Variants in ZMYM1 observed in about 807,000 individuals in gnomAD.
The protein encoded by ZMYM1 is zinc finger MYM-type protein 1.
Under a neutral mutation model 60.0 loss-of-function variants are expected in ZMYM1, and 39 were observed. The ratio of observed to expected loss-of-function variants is 0.65; its 90% CI spans 0.50 to 0.85. ZMYM1 has a LOEUF of 0.85. Among genes scored for constraint, ZMYM1 ranks in the 40% least tolerant of loss-of-function variants. The probability of loss-of-function intolerance (pLI) is 0.00; values close to 1 mark genes in which losing one functional copy is unlikely to be tolerated. For synonymous variants in ZMYM1, 413 were observed against 454.0 expected, an observed-to-expected ratio of 0.91 and a Z score of 1.15; for missense variants, 1,171 against 1,309.5, an observed-to-expected ratio of 0.89 and a Z score of 1.63.
intron 1 of ZMYM1, among the ~76,000 whole-genome samples, chr1:35,086,481 T>C (rs905296801): frequency 6.6e-6 from 1 of 151,964 alleles, no homozygotes; most frequent in Non-Finnish European, 1.5e-5. Context: ...AAAATGACTG[T>C]TTGTTGCTAA....
chr1:35,115,954 C>G (rs1005060287), downstream of ZMYM1: 1 of 152,156 alleles, frequency 6.6e-6, no homozygotes, highest in Non-Finnish European at 1.5e-5. Context: ...GGGGACTGGG[C>G]GTGGTGGTTC....
intron 1 of ZMYM1, among the ~76,000 whole-genome samples, chr1:35,092,065 A>G (rs981827513): frequency 3.3e-5 from 5 of 152,078 alleles, no homozygotes; most frequent in African/African-American, 1.2e-4. Context: ...AGCTGGGATT[A>G]CAGGCACCTG....
At chr1:35,106,481 C>T (rs998611870) in intron 6 of ZMYM1, among the ~76,000 whole-genome samples, 10 of 151,914 alleles carry the variant, frequency 6.6e-5, no homozygotes, top group Non-Finnish European at 1.2e-4. Context: ...TGGTGGCAGG[C>T]GCCTATAATC....
Position 35,113,074 on chromosome 1 carries a change from A to G in ZMYM1, c.1244A>G (p.His415Arg). 1.2e-6 allele frequency: 2 copies of G among 1,614,128 alleles called. No homozygotes were observed. Among genetic ancestry groups the G allele is most frequent in the Non-Finnish European group, 1.7e-6 (2 of 1,179,996 alleles). ...CCATCTTCATCAGTATTCAGTCAGC[A>G]TGCAATTGGTTCCAGTACAGAAGTA... Reference protein sequence around the residue: ...VSPSSSVFSQHAIGSSTEVQK... With the variant: ...VSPSSSVFSQRAIGSSTEVQK... The change falls in exon 10 of 10, where the codon CAT (histidine) becomes CGT (arginine). Residue 415 changes from histidine to arginine, a missense_variant. Physicochemically the swap from His to Arg is conservative, Grantham distance 29 (BLOSUM62 0). Transcript: ENST00000359858.
At chr1:35,067,093 C>T (rs1641984963) in intron 1 of ZMYM1, among the ~76,000 whole-genome samples, 1 of 151,896 alleles carries the variant, frequency 6.6e-6, no homozygotes, top group African/African-American at 2.4e-5. Context: ...ATTCTCTTGC[C>T]TCAGCCTCCT....
intron 1 of ZMYM1, among the ~76,000 whole-genome samples, chr1:35,062,597 T>C (rs1346593261): frequency 6.6e-6 from 1 of 152,252 alleles, no homozygotes; most frequent in Non-Finnish European, 1.5e-5. Flanking sequence ...AATCTGCCAC[T>C]TAACCAGTTG....
intron 3 of ZMYM1, 122 bp downstream of exon 3, chr1:35,096,013 C>G: frequency 2.7e-6 from 2 of 753,040 alleles, no homozygotes; most frequent in South Asian, 3.6e-5. Context: ...GAGAAGTAAC[C>G]TGTAAGAAAA....
intron 1 of ZMYM1, among the ~76,000 whole-genome samples, chr1:35,066,102 A>C (rs141662876): frequency 9.2e-5 from 14 of 152,276 alleles, no homozygotes; most frequent in African/African-American, 3.1e-4. Context: ...TATAAAAAAA[A>C]CCTCCTACAA....
intron 1 of ZMYM1, among the ~76,000 whole-genome samples, chr1:35,083,633 C>T (rs540408769): frequency 3.3e-5 from 5 of 150,956 alleles, no homozygotes; most frequent in African/African-American, 9.7e-5. Flanking sequence ...TGTTTTTTTT[C>T]GAGACAGTGT....
At chr1:35,078,236 G>A (rs956434147), upstream of ZMYM1, among the ~76,000 whole-genome samples, 4 of 152,086 alleles carry the variant, frequency 2.6e-5, no homozygotes, top group African/African-American at 9.7e-5. Flanking sequence ...TTAGATTTGA[G>A]GCTAATTCCA....
intron 1 of ZMYM1, among the ~76,000 whole-genome samples, chr1:35,065,073 TA>T (rs1468699418): frequency 6.6e-6 from 1 of 152,154 alleles, no homozygotes; most frequent in African/African-American, 2.4e-5. Flanking sequence ...AAATACAATT[TA>T]TCGAAATTTG....
rs1464546786 is a variant in ZMYM1 at position 35,088,454 on chromosome 1, A to ATATGTG, written c.-74-5459_-74-5458insATGTGT. The stretch of plus-strand genomic sequence containing the variant: ...TATGTGTATATATATATATATATAT[A>ATATGTG]TGTGTGTGTGTGTGTGTGTGTGTGT... On this transcript the variant is annotated intron_variant, in intron 1 of 9. Transcript: ENST00000359858. 1.2e-3 allele frequency among the ~76,000 whole-genome samples: 134 copies of ATATGTG among 107,244 alleles called. 4 individuals are homozygous for ATATGTG. Among genetic ancestry groups the ATATGTG allele is most frequent in the African/African-American group, 4.7e-3 (111 of 23,490 alleles). 70.4% of individuals were successfully genotyped at this position (107,244 alleles called of 152,430 possible). A position where few individuals can be genotyped will look rare whatever the true frequency, so the allele number is the denominator to read the frequency against.
intron 1 of ZMYM1, among the ~76,000 whole-genome samples, chr1:35,062,822 A>G (rs1641899723): frequency 6.6e-6 from 1 of 152,246 alleles, no homozygotes; most frequent in Non-Finnish European, 1.5e-5. Flanking sequence ...AAGATCTGTC[A>G]GTAAGAACAG....
intron 7 of ZMYM1, among the ~76,000 whole-genome samples, chr1:35,111,029 C>A (rs568312307): frequency 1.3e-5 from 2 of 151,960 alleles, no homozygotes; most frequent in African/African-American, 4.8e-5. Context: ...ATATTGAGCA[C>A]CTACTGCAAA....
intron 3 of ZMYM1, among the ~76,000 whole-genome samples, chr1:35,096,258 G>T (rs1429407868): frequency 6.6e-6 from 1 of 151,042 alleles, no homozygotes. Context: ...GTTGTGGTGA[G>T]CCAAGATTGC....
chr1:35,086,603 G>A (rs1294387355), intron 1 of ZMYM1, among the ~76,000 whole-genome samples: 4 of 152,108 alleles, frequency 2.6e-5, no homozygotes, highest in African/African-American at 4.8e-5. Flanking sequence ...CTTATTCATC[G>A]TCATGCAGTT....
intron 6 of ZMYM1, among the ~76,000 whole-genome samples, chr1:35,105,208 C>T (rs1446101871): frequency 2.8e-5 from 4 of 141,974 alleles, no homozygotes; most frequent in Non-Finnish European, 4.5e-5. Context: ...GATCTCGGCT[C>T]ACTGCAAGTT....
chr1:35,068,430 AAAAAG>A (rs1642011761), intron 1 of ZMYM1, among the ~76,000 whole-genome samples: 1 of 150,486 alleles, frequency 6.6e-6, no homozygotes, highest in South Asian at 2.1e-4. Flanking sequence ...AAAAAAAAAA[AAAAAG>A]AAAAGAAAAA....
At chr1:35,080,912 A>G (rs555058729) in intron 1 of ZMYM1, among the ~76,000 whole-genome samples, 28 of 150,838 alleles carry the variant, frequency 1.9e-4, no homozygotes, top group African/African-American at 6.6e-4. Flanking sequence ...CCATCAGGCT[A>G]GTAAAAGACC....
Sources: allele counts gnomAD v4.1 joint callset (sites outside exome capture counted in the v4.1 genomes callset), GRCh38; gene constraint gnomAD v4.1.1; transcripts MANE v1.5; gene names NCBI Gene and HGNC (gene_info 2026-07-23, HGNC 2026-07-21).